The following BRCA1 variants were observed in gnomAD, a reference collection of about 807,000 sequenced individuals.
The protein encoded by BRCA1 is breast cancer type 1 susceptibility protein.
BRCA1 carries 140 observed loss-of-function variants against 173.7 expected under a neutral mutation model. That is an observed-to-expected ratio of 0.81 (90% CI 0.70 to 0.93). BRCA1 has a LOEUF of 0.93. Among genes scored for constraint, BRCA1 ranks in the 40% least tolerant of loss-of-function variants. The pLI is 0.00. For synonymous variants in BRCA1, 662 were observed against 756.0 expected (o/e 0.88, Z 2.04); for missense variants, 1,983 against 2,172.5 (o/e 0.91, Z 1.73).
intron 11 of BRCA1, among the ~76,000 whole-genome samples, chr17:43,089,150 T>C (rs2053344645): frequency 6.6e-6 from 1 of 151,836 alleles, no homozygotes; most frequent in Admixed American, 6.6e-5. Flanking sequence ...CTCTCTCTAC[T>C]AAAAAAATAC....
Position 43,045,447 on chromosome 17 carries a change from A to C in BRCA1, c.*231T>G. The C allele has an allele frequency of 1.4e-6, 1 of 719,954 alleles. No individual in the cohort carries two copies. The highest frequency in any genetic ancestry group is 2.5e-6 in the Non-Finnish European group (1 of 404,646). The allele number at this position is 719,954 out of a possible 1,614,324, so 44.6% of individuals were successfully genotyped here. ...GGTTTTAAAATCTTCTCAGGTGAAAAATTACCATAATTTTGTGCTCATGGC... is the reference window on the plus strand; with the variant it reads ...GGTTTTAAAATCTTCTCAGGTGAAACATTACCATAATTTTGTGCTCATGGC... On this transcript the variant is annotated 3_prime_UTR_variant, in exon 23 of 23. Coordinates refer to ENST00000357654, the MANE Select transcript of BRCA1 (RefSeq NM_007294.4).
rs1416183343 is a variant in BRCA1, at chr17:43,044,382, T to G, written c.*1296A>C. 1 of 505,654 alleles carries G rather than the reference T, an allele frequency of 2.0e-6. No homozygotes were observed. Among genetic ancestry groups the G allele is most frequent in the African/African-American group, 1.9e-5 (1 of 52,224 alleles). 31.3% of individuals were successfully genotyped at this position (505,654 alleles called of 1,614,324 possible). A position where few individuals can be genotyped will look rare whatever the true frequency, so the allele number is the denominator to read the frequency against. The stretch of plus-strand genomic sequence containing the variant: ...TTGTACAATCAAGTCTTCACTGCCC[T>G]TGCACACTGGGGGGGCTAGGGAAGA... On this transcript the variant is annotated 3_prime_UTR_variant, in exon 23 of 23. Coordinates refer to ENST00000357654, the MANE Select transcript of BRCA1 (RefSeq NM_007294.4).
chr17:43,121,488 C>G (rs2055570579), intron 2 of BRCA1, among the ~76,000 whole-genome samples: 1 of 151,860 alleles, frequency 6.6e-6, no homozygotes, highest in Non-Finnish European at 1.5e-5. Context: ...AGTTCGAGAC[C>G]AACCTGACCA....
chr17:43,103,991 C>T lies in BRCA1; in HGVS notation c.441+131G>A. On this transcript the variant is annotated intron_variant, in intron 6 of 22. Coordinates refer to ENST00000357654, the MANE Select transcript of BRCA1 (RefSeq NM_007294.4). ...GCATGGTGGCGCGTGCCTGTAATCC[C>T]AGCTACTAAGGGGGCTAAGGCAGGA... is the stretch of plus-strand genomic sequence containing the variant. 2 of 1,192,098 alleles carry T rather than the reference C, an allele frequency of 1.7e-6. 1 individual carries two copies. The highest frequency in any genetic ancestry group is 2.7e-5 in the South Asian group (2 of 74,796). 73.8% of individuals were successfully genotyped at this position (1,192,098 alleles called of 1,614,324 possible).
intron 6 of BRCA1, among the ~76,000 whole-genome samples, chr17:43,100,528 A>G (rs1164528106): frequency 8.2e-6 from 1 of 121,788 alleles, no homozygotes; most frequent in Non-Finnish European, 1.6e-5. Context: ...GTGTGTGTAT[A>G]TATATATACA....
At chr17:43,145,371 G>A (rs2056114014) in intron 1 of BRCA1, 2 of 407,264 alleles carry the variant, frequency 4.9e-6, no homozygotes, top group South Asian at 4.2e-5. Flanking sequence ...CTGTCGCCCA[G>A]GCTGCAGTGC....
intron 1 of BRCA1, among the ~76,000 whole-genome samples, chr17:43,136,994 C>T (rs1272658801): frequency 2.6e-5 from 4 of 151,990 alleles, no homozygotes; most frequent in South Asian, 2.1e-4. Context: ...ATGTTCATTG[C>T]GGCACTATTC....
At chr17:43,155,921 ATTAAATAT>A (rs1253934486) in intron 1 of BRCA1, among the ~76,000 whole-genome samples, 2 of 152,182 alleles carry the variant, frequency 1.3e-5, no homozygotes, top group Non-Finnish European at 2.9e-5. Flanking sequence ...GGTTCTTTTC[ATTAAATAT>A]TTAACTTTTT....
chr17:43,158,746 C>T lies in BRCA1; in HGVS notation c.-20+11380G>A, dbSNP rs186890801. On this transcript the variant is annotated intron_variant, in intron 1 of 7. Coordinates refer to the BRCA1 transcript ENST00000634433. ...TACTGAATATACAGATGTACATAAA[C>T]GAAACAAAAATCTCTGCTGCCCTGG... Among the ~76,000 whole-genome samples, 23 of 152,198 alleles carry T rather than the reference C, an allele frequency of 1.5e-4. No homozygotes were observed. In the East Asian group the frequency reaches 3.9e-3, roughly 25 times the overall value.
Position 43,091,606 on chromosome 17 carries a change from T to C in BRCA1, c.3925A>G (p.Asn1309Asp), listed in dbSNP as rs2053499636. 6.2e-7 allele frequency: 1 copy of C among 1,614,228 alleles called. No individual in the cohort carries two copies. ...QCSELEDLTANTNTQDPFLIG... is the reference protein window; with the variant it reads ...QCSELEDLTADTNTQDPFLIG... ...AAGAAAGGATCCTGGGTGTTTGTAT[T>C]TGCAGTCAAGTCTTCCAATTCACTG... The change falls in exon 10 of 23, where the codon AAT becomes GAT. Residue 1309 changes from asparagine to aspartate, a missense_variant. Transcript: ENST00000357654.
intron 1 of BRCA1, among the ~76,000 whole-genome samples, chr17:43,151,213 TTTTA>T (rs770260625): frequency 5.3e-5 from 8 of 152,196 alleles, no homozygotes; most frequent in Non-Finnish European, 8.8e-5. Flanking sequence ...CAGATTCAAA[TTTTA>T]TTTAGTGCTT....
In BRCA1 at chr17:43,093,687, G is replaced by GAC. The variant is rs767595162; in HGVS notation, c.1842_1843dup (p.Ser615CysfsTer12). On this transcript the variant is annotated frameshift_variant, in exon 10 of 23. Transcript: ENST00000357654. LOFTEE classifies it high-confidence loss of function. ...AAGCGCATGAATATGCCTGGTAGAA[G>GAC]ACTTCCTCCTCAGCCTATTCTTTTT... 5 of 1,614,078 alleles carry GAC rather than the reference G, an allele frequency of 3.1e-6. No individual in the cohort carries two copies. The South Asian group carries it at 5.5e-5, about 18-fold the overall frequency.
chr17:43,052,370 T>C (rs1318808893), intron 19 of BRCA1, among the ~76,000 whole-genome samples: 1 of 152,064 alleles, frequency 6.6e-6, no homozygotes. Flanking sequence ...AGTATTGAAC[T>C]TCTGGGCTCA....
intron 1 of BRCA1, among the ~76,000 whole-genome samples, chr17:43,145,962 C>G (rs1194070674): frequency 6.6e-6 from 1 of 151,996 alleles, no homozygotes; most frequent in Admixed American, 6.6e-5. Context: ...TACTTCCATC[C>G]CCATGTTGTT....
At chr17:43,124,745 GT>G (rs770929332) in intron 1 of BRCA1, 2 of 202,364 alleles carry the variant, frequency 9.9e-6, no homozygotes, top group Admixed American at 5.5e-5. Flanking sequence ...ACCAGCCGGT[GT>G]TTTTTGTTTT....
intron 11 of BRCA1, among the ~76,000 whole-genome samples, chr17:43,085,366 A>G (rs2053190050): frequency 2.6e-5 from 4 of 152,146 alleles, no homozygotes; most frequent in African/African-American, 9.7e-5. Flanking sequence ...TCTCAAAAAA[A>G]AAAAGAAAAG....
intron 1 of BRCA1, chr17:43,140,452 G>A (rs1455193555): frequency 4.1e-6 from 1 of 241,456 alleles, no homozygotes; most frequent in Non-Finnish European, 6.7e-6. Context: ...CTTGCACCTG[G>A]GGTCTGACGT....
At chr17:43,061,554 A>G (rs1282742268) in intron 18 of BRCA1, among the ~76,000 whole-genome samples, 2 of 151,808 alleles carry the variant, frequency 1.3e-5, no homozygotes, top group East Asian at 3.9e-4. Flanking sequence ...TTATGAATAC[A>G]TCGAATTGTG....
At position 43,076,583 on chromosome 17, in the gene BRCA1, G is replaced by A. The variant is rs80356997; in HGVS notation, c.4389C>T (p.Tyr1463=). ...AVLTSQKSSE[Y]PISQNPEGLS... ...GGCCTTCTGGATTCTGGCTTATAGG[G>A]TATTCACTACTTTTCTGTGAAGTTA... The change falls in exon 13 of 23, where the codon TAC becomes TAT. Residue 1463 remains tyrosine (Y), a synonymous_variant. Coordinates refer to ENST00000357654, the MANE Select transcript of BRCA1 (RefSeq NM_007294.4). 4 of 1,613,328 alleles carry A rather than the reference G, an allele frequency of 2.5e-6. No individual in the cohort carries two copies. Among genetic ancestry groups the A allele is most frequent in the South Asian group, 1.1e-5 (1 of 91,050 alleles).
Sources: gnomAD v4.1 joint callset for allele counts (sites outside exome capture counted in the v4.1 genomes callset) on GRCh38, gnomAD v4.1.1 for gene constraint, MANE v1.5 for transcripts, NCBI Gene and HGNC (gene_info 2026-07-23, HGNC 2026-07-21) for gene names.